Variants in ADAMTS7 observed in about 807,000 individuals in gnomAD.
ADAMTS7 encodes the protein A disintegrin and metalloproteinase with thrombospondin motifs 7.
A neutral mutation model predicts 172.6 loss-of-function variants in ADAMTS7; 89 were observed. That is an observed-to-expected ratio of 0.52 (90% CI 0.43 to 0.61). The LOEUF (loss-of-function observed/expected upper bound fraction) is 0.61, where lower values mean the gene tolerates loss of function less well. Among genes scored for constraint, ADAMTS7 ranks in the 20% least tolerant of loss-of-function variants. The pLI is 0.00. For missense variants in ADAMTS7, 1,973 were observed against 2,355.6 expected (o/e 0.84, Z 3.36); for synonymous variants, 885 against 978.4 (o/e 0.90, Z 1.78).
At position 78,768,159 on chromosome 15, in the gene ADAMTS7, C is replaced by G; in HGVS notation, c.2619G>C (p.Lys873Asn). 1 of 1,596,542 alleles carries G rather than the reference C, an allele frequency of 6.3e-7. No individual in the cohort carries two copies. The highest frequency in any genetic ancestry group is 8.5e-7 in the Non-Finnish European group (1 of 1,174,272). ...TGGCAGGGCAGGGCTGCTCGCTGCA[C>G]TTCCTCTGTTGGTCATCAGGCCGGC... is the stretch of plus-strand genomic sequence containing the variant. ...PLGRPDDQQRKCSEQPCPARW... is the reference protein window; with the variant it reads ...PLGRPDDQQRNCSEQPCPARW... Residue 873 changes from lysine to asparagine, a missense_variant, in exon 17 of 24, where the codon AAG becomes AAC. This residue lies in a region of ADAMTS7 where 771 missense variants were observed against 952.6 expected (regional missense o/e 0.81). Coordinates refer to ENST00000388820, the MANE Select transcript of ADAMTS7 (RefSeq NM_014272.5).
At chr15:78,787,410 T>C (rs537565489) in intron 8 of ADAMTS7, among the ~76,000 whole-genome samples, 4 of 146,490 alleles carry the variant, frequency 2.7e-5, no homozygotes, top group African/African-American at 1.0e-4. Context: ...ATGCCTGTAA[T>C]TCCAGCACTC....
intron 8 of ADAMTS7, among the ~76,000 whole-genome samples, chr15:78,784,408 GGGGAGGGAGGGAGGGA>G (rs145739330): frequency 2.0e-5 from 2 of 99,626 alleles, no homozygotes; most frequent in Non-Finnish European, 4.3e-5. Flanking sequence ...GAGGAAGAGG[GGGGAGGGAGGGAGGGA>G]GGGAGGGAGG....
rs750570700 is a variant in ADAMTS7 at position 78,765,642 on chromosome 15, T to G, written c.4266+3A>C. ...CCCTGCCCGCCCAGCCCACACCACT[T>G]GCCTCGCTCCAGTTTCCCGCTTGCC... On this transcript the variant is annotated splice_donor_region_variant and intron_variant, in intron 19 of 23. Transcript: ENST00000388820. 9 of 1,607,614 alleles carry G rather than the reference T, an allele frequency of 5.6e-6. No homozygotes were observed. The highest frequency in any genetic ancestry group is 6.8e-6 in the Non-Finnish European group (8 of 1,178,348).
Position 78,771,126 on chromosome 15 carries a change from C to A in ADAMTS7, c.2518+36G>T, listed in dbSNP as rs569196372. 47 of 1,565,306 alleles carry A rather than the reference C, an allele frequency of 3.0e-5. No individual in the cohort carries two copies. Among genetic ancestry groups the A allele is most frequent in the Non-Finnish European group, 2.6e-6 (3 of 1,153,232 alleles). ...CAGTGTCCCTGTCCAGACACTAAGC[C>A]CCTGCAGGTGGGGCTGTGCCTGCCC... On this transcript the variant is annotated intron_variant, in intron 16 of 23. Transcript: ENST00000388820. The surrounding 1 kb of genome is among the most constrained non-coding windows in gnomAD (Gnocchi z 4.9).
Position 78,800,544 on chromosome 15 carries a change from C to A in ADAMTS7, c.104G>T (p.Arg35Leu), listed in dbSNP as rs1327717063. Reference sequence around the variant, plus strand: ...CAGTGCCGCCCGGCCCTCGGTTGCACGTCCTGCAGGGAGAGAACCACAAAC... The same window carrying A: ...CAGTGCCGCCCGGCCCTCGGTTGCAAGTCCTGCAGGGAGAGAACCACAAAC... ...APGAPGPAPG[R>L]ATEGRAALDI... The change falls in exon 2 of 24, where the codon CGT becomes CTT. Residue 35 changes from arginine (R) to leucine (L), a missense_variant. Arg to Leu is a moderately radical substitution (Grantham distance 102). Transcript: ENST00000388820. 1.9e-6 allele frequency: 3 copies of A among 1,589,604 alleles called. No individual in the cohort carries two copies. Among genetic ancestry groups the A allele is most frequent in the Non-Finnish European group, 2.6e-6 (3 of 1,168,502 alleles).
rs142180657 is a variant in ADAMTS7, at chr15:78,774,625, G to A, written c.1875C>T (p.Asp625=). 223 of 1,611,192 alleles carry A rather than the reference G, an allele frequency of 1.4e-4. No individual in the cohort carries two copies. Among genetic ancestry groups the A allele is most frequent in the African/African-American group, 5.9e-4 (44 of 74,962 alleles). ...QLHTWVPVVN[D]VNPCELHCRP... Reference sequence around the variant, plus strand: ...GTCTCCATGGGGGGCAGCACTCACCGTCATTGACCACGGGCACCCATGTGT... The same window carrying A: ...GTCTCCATGGGGGGCAGCACTCACCATCATTGACCACGGGCACCCATGTGT... The change falls in exon 12 of 24, where the codon GAC becomes GAT. Residue 625 remains aspartate, a splice_region_variant and synonymous_variant. Coordinates refer to ENST00000388820, the MANE Select transcript of ADAMTS7 (RefSeq NM_014272.5).
At position 78,759,363 on chromosome 15, in the gene ADAMTS7, C is replaced by T. The variant is rs112238647; in HGVS notation, c.*58G>A. 88,660 of 1,501,134 alleles carry T rather than the reference C, an allele frequency of 0.059. 2,713 individuals carry two copies. Among genetic ancestry groups the T allele is most frequent in the Middle Eastern group, 0.093 (384 of 4,128 alleles). 93.0% of individuals were successfully genotyped at this position (1,501,134 alleles called of 1,614,324 possible). A position where few individuals can be genotyped will look rare whatever the true frequency, so the allele number is the denominator to read the frequency against. Reference sequence around the variant, plus strand: ...ATTAGGGCGCAGGGGGCGGGAGCTCCGCCACAGCCCGTGGTGGGCACTGAG... The same window carrying T: ...ATTAGGGCGCAGGGGGCGGGAGCTCTGCCACAGCCCGTGGTGGGCACTGAG... On this transcript the variant is annotated 3_prime_UTR_variant, in exon 24 of 24. Coordinates refer to ENST00000388820, the MANE Select transcript of ADAMTS7 (RefSeq NM_014272.5).
Position 78,768,218 on chromosome 15 carries a change from C to G in ADAMTS7, c.2560G>C (p.Gly854Arg). Residue 854 changes from glycine to arginine, a missense_variant, in exon 17 of 24, where the codon GGG (glycine) becomes CGG (arginine). Physicochemically the swap from Gly to Arg is moderately radical, Grantham distance 125 (BLOSUM62 -2). Transcript: ENST00000388820. The stretch of plus-strand genomic sequence containing the variant: ...TCACAGTGCTCCTCGTCCACGGGCC[C>G]TGCCTGCCGCTCCAAGCAGTACACA... ...QNVYCLERQA[G>R]PVDEEHCDPL... is the part of the protein sequence containing the mutation. 1 of 1,610,650 alleles carries G rather than the reference C, an allele frequency of 6.2e-7. No homozygotes were observed.
In ADAMTS7 at chr15:78,771,195, G is replaced by C. The variant is rs752810989; in HGVS notation, c.2485C>G (p.Pro829Ala). 2 of 1,611,460 alleles carry C rather than the reference G, an allele frequency of 1.2e-6. No homozygotes were observed. The highest frequency in any genetic ancestry group is 1.7e-6 in the Non-Finnish European group (2 of 1,179,530). Residue 829 changes from proline to alanine, a missense_variant, in exon 16 of 24, where the codon CCC becomes GCC. By Grantham distance (27) the Pro-to-Ala change is conservative (BLOSUM62 -1). Coordinates refer to ENST00000388820, the MANE Select transcript of ADAMTS7 (RefSeq NM_014272.5). The surrounding 1 kb of genome is among the most constrained non-coding windows in gnomAD (Gnocchi z 4.9). ...PPPVFSWHYG[P>A]WTKCTVTCGR... ...CAGGTGACTGTGCACTTGGTCCAGG[G>C]CCCATAATGCCAGGAGAACACGGGC...
intron 22 of ADAMTS7, among the ~76,000 whole-genome samples, chr15:78,762,805 G>A (rs1043898731): frequency 1.3e-5 from 2 of 152,232 alleles, no homozygotes; most frequent in Admixed American, 6.5e-5. Flanking sequence ...GAGAACCGTG[G>A]GACAGCCCTC....
intron 4 of ADAMTS7, among the ~76,000 whole-genome samples, chr15:78,796,204 T>C (rs1351561972): frequency 1.3e-5 from 2 of 152,180 alleles, no homozygotes; most frequent in Admixed American, 6.5e-5. Context: ...CAGGCATTTC[T>C]GTGTTTCCAG....
chr15:78,782,525 C>T (rs1405512925), intron 8 of ADAMTS7, among the ~76,000 whole-genome samples: 1 of 152,136 alleles, frequency 6.6e-6, no homozygotes, highest in Non-Finnish European at 1.5e-5. Flanking sequence ...AGATTTATCG[C>T]TGCTCCCTTC....
At chr15:78,789,500 G>A (rs2055549276) in intron 7 of ADAMTS7, among the ~76,000 whole-genome samples, 189 bp downstream of exon 7, 1 of 152,248 alleles carries the variant, frequency 6.6e-6, no homozygotes, top group African/African-American at 2.4e-5. Context: ...CCTCTCTCCT[G>A]CTTTACAGGG....
chr15:78,764,335 A>G (rs1385375484), intron 20 of ADAMTS7, among the ~76,000 whole-genome samples: 1 of 152,250 alleles, frequency 6.6e-6, no homozygotes, highest in Non-Finnish European at 1.5e-5. Flanking sequence ...CTGGTGAAAG[A>G]CAAGTCCAGA....
At chr15:78,789,635 G>A (rs544108637) in intron 7 of ADAMTS7, 54 bp downstream of exon 7, 282 of 1,602,048 alleles carry the variant, frequency 1.8e-4, no homozygotes, top group Non-Finnish European at 4.5e-5. Flanking sequence ...GGTGCCCCCA[G>A]GCTGCGAGGG....
rs76106349 is a variant in ADAMTS7, at chr15:78,765,020, C to T, written c.4267-313G>A. The T allele has an allele frequency of 0.035, 10,651 of 302,230 alleles. 1,546 individuals are homozygous for T. In the East Asian group the frequency reaches 0.38, roughly 11 times the overall value. 18.7% of individuals were successfully genotyped at this position (302,230 alleles called of 1,614,324 possible). A position where few individuals can be genotyped will look rare whatever the true frequency, so the allele number is the denominator to read the frequency against. The stretch of plus-strand genomic sequence containing the variant: ...CCCGACCAGCTATCTTGACCAGCCT[C>T]GTCGCTTCCCAGAGGCACCAGGGAA... On this transcript the variant is annotated intron_variant, in intron 19 of 23. Coordinates refer to ENST00000388820, the MANE Select transcript of ADAMTS7 (RefSeq NM_014272.5).
At chr15:78,768,563 T>C (rs1222532448) in intron 16 of ADAMTS7, among the ~76,000 whole-genome samples, 1 of 152,026 alleles carries the variant, frequency 6.6e-6, no homozygotes. Flanking sequence ...GGCAGCTCAT[T>C]TGGCCTCTCT....
At position 78,771,455 on chromosome 15, in the gene ADAMTS7, G is replaced by A; in HGVS notation, c.2376+130C>T. The A allele has an allele frequency of 5.9e-6, 9 of 1,526,866 alleles. No individual in the cohort carries two copies. The highest frequency in any genetic ancestry group is 1.9e-5 in the Admixed American group (1 of 51,598). 94.6% of individuals were successfully genotyped at this position (1,526,866 alleles called of 1,614,324 possible). Reference sequence around the variant, plus strand: ...ACTGAGGTAGAGGCCGCAGCAGGAGGGCCTGGCTCAGAGCCAGGCTCTGTG... The same window carrying A: ...ACTGAGGTAGAGGCCGCAGCAGGAGAGCCTGGCTCAGAGCCAGGCTCTGTG... On this transcript the variant is annotated intron_variant, in intron 15 of 23. Transcript: ENST00000388820. This position sits in a 1 kb window ranked among gnomAD's most constrained non-coding sequence, Gnocchi z 4.9.
chr15:78,782,018 C>T (rs2055434563), intron 8 of ADAMTS7, among the ~76,000 whole-genome samples: 1 of 152,084 alleles, frequency 6.6e-6, no homozygotes, highest in Non-Finnish European at 1.5e-5. Flanking sequence ...CAGGTAGAAG[C>T]CTGGGCCACA....
Sources: allele counts gnomAD v4.1 joint callset (sites outside exome capture counted in the v4.1 genomes callset), GRCh38; gene constraint gnomAD v4.1.1; regional missense constraint gnomAD v4.1.1; non-coding constraint Gnocchi (gnomAD v3.1); transcripts MANE v1.5; gene names NCBI Gene and HGNC (gene_info 2026-07-23, HGNC 2026-07-21).